NUDT6: variants seen among roughly 807,000 people sequenced by gnomAD.
NUDT6 encodes the protein nudix hydrolase 6.
Under a neutral mutation model 36.8 loss-of-function variants are expected in NUDT6, and 24 were observed. The ratio of observed to expected loss-of-function variants is 0.65; its 90% CI spans 0.47 to 0.92. The LOEUF (loss-of-function observed/expected upper bound fraction) is 0.92, where lower values mean the gene tolerates loss of function less well. Ranked by LOEUF, NUDT6 falls within the 40% of genes least tolerant of loss-of-function variation. NUDT6 has a pLI of 0.00. For synonymous variants in NUDT6, 163 were observed against 157.0 expected (o/e 1.04, Z -0.29); for missense variants, 388 against 392.8 (o/e 0.99, Z 0.10).
At position 122,892,952 on chromosome 4, in the gene NUDT6, C is replaced by G. The variant is rs1442066035; in HGVS notation, c.827G>C (p.Arg276Thr). The change falls in exon 5 of 5, where the codon AGA becomes ACA. Residue 276 changes from arginine (R) to threonine (T), a missense_variant. By Grantham distance (71) the Arg-to-Thr change is moderately conservative. Transcript: ENST00000304430. The stretch of plus-strand genomic sequence containing the variant: ...CAGGTCAATTTTGTCAAACCCTTCT[C>G]TGTACCCATACAGCAGCAGCCTAGC... The part of the protein sequence containing the change: ...RVARLLLYGY[R>T]EGFDKIDLTV... The G allele has an allele frequency of 6.2e-7, 1 of 1,614,202 alleles. No individual in the cohort carries two copies. Among genetic ancestry groups the G allele is most frequent in the Non-Finnish European group, 8.5e-7 (1 of 1,180,044 alleles).
At chr4:122,911,920 C>G (rs542454490) in intron 3 of NUDT6, among the ~76,000 whole-genome samples, 1 of 152,286 alleles carries the variant, frequency 6.6e-6, no homozygotes, top group Admixed American at 6.5e-5. Context: ...TTACCACTGT[C>G]CATATTCTGG....
chr4:122,892,958 C>T lies in NUDT6; in HGVS notation c.821G>A (p.Gly274Glu). 1.2e-6 allele frequency: 2 copies of T among 1,614,132 alleles called. No individual in the cohort carries two copies. Among genetic ancestry groups the T allele is most frequent in the Middle Eastern group, 1.6e-4 (1 of 6,062 alleles). ...AATTTTGTCAAACCCTTCTCTGTAC[C>T]CATACAGCAGCAGCCTAGCAACTCT... ...TSRVARLLLY[G>E]YREGFDKIDL... The change falls in exon 5 of 5, where the codon GGG becomes GAG. Residue 274 changes from glycine to glutamate, a missense_variant. Gly to Glu is a moderately conservative substitution (Grantham distance 98). Coordinates refer to ENST00000304430, the MANE Select transcript of NUDT6 (RefSeq NM_007083.5).
At chr4:122,897,555 A>AT in intron 4 of NUDT6, 69 bp downstream of exon 4, 1 of 1,131,152 alleles carries the variant, frequency 8.8e-7, no homozygotes, top group Non-Finnish European at 1.3e-6. Flanking sequence ...CTTAGCTATA[A>AT]AGCAAGAAAG....
intron 4 of NUDT6, chr4:122,896,299 C>A (rs749470526): frequency 2.0e-5 from 3 of 152,042 alleles, no homozygotes; most frequent in Non-Finnish European, 4.4e-5. Flanking sequence ...ATGTGTTTTT[C>A]TTCAATTACA....
chr4:122,902,765 G>A (rs1271295034), intron 3 of NUDT6, among the ~76,000 whole-genome samples: 3 of 152,138 alleles, frequency 2.0e-5, no homozygotes, highest in East Asian at 1.9e-4. Context: ...AAATATTGGG[G>A]TAGGGATGAA....
At chr4:122,921,595 C>CAAAAAAAAAAAAAAA (rs1307519948) in intron 1 of NUDT6, 1 of 35,114 alleles carries the variant, frequency 2.8e-5, no homozygotes, top group African/African-American at 1.1e-4. Flanking sequence ...TACCCTCTCT[C>CAAAAAAAAAAAAAAA]AAAAAAAAAA....
intron 3 of NUDT6, among the ~76,000 whole-genome samples, chr4:122,899,044 A>ATTTTGTTTTTTTTTTTTTTTTTT (rs1727451662): frequency 1.4e-5 from 1 of 69,428 alleles, no homozygotes; most frequent in Non-Finnish European, 3.0e-5. Flanking sequence ...ACCACACCTA[A>ATTTTGTTTTTTTTTTTTTTTTTT]TTTTTTTTTT....
In NUDT6 at chr4:122,893,271, A is replaced by T. The variant is rs1727246170; in HGVS notation, c.554-46T>A. 6 of 1,513,000 alleles carry T rather than the reference A, an allele frequency of 4.0e-6. 1 individual carries two copies. The Middle Eastern group carries it at 5.3e-4, about 134-fold the overall frequency. The allele number at this position is 1,513,000 out of a possible 1,614,324, so 93.7% of individuals were successfully genotyped here. A position where few individuals can be genotyped will look rare whatever the true frequency, so the allele number is the denominator to read the frequency against. ...ACAAATCAATAATAATTACACTTTT[A>T]GAAACTGTATCATCAAAGATTTTCA... On this transcript the variant is annotated intron_variant, in intron 4 of 4. Coordinates refer to ENST00000304430, the MANE Select transcript of NUDT6 (RefSeq NM_007083.5).
chr4:122,909,346 C>T (rs1727684570), intron 3 of NUDT6, among the ~76,000 whole-genome samples: 1 of 151,956 alleles, frequency 6.6e-6, no homozygotes, highest in Non-Finnish European at 1.5e-5. Flanking sequence ...AAATCTCAGT[C>T]CTAAAATAAT....
intron 1 of NUDT6, chr4:122,920,281 T>A (rs781591916): frequency 6.6e-6 from 1 of 152,170 alleles, no homozygotes; most frequent in Non-Finnish European, 1.5e-5. Flanking sequence ...AAGAAAGGTG[T>A]AGAGCCAGGG....
chr4:122,912,697 T>A, intron 2 of NUDT6, 74 bp from the exon 3 acceptor site: 1 of 927,496 alleles, frequency 1.1e-6, no homozygotes, highest in Non-Finnish European at 1.7e-6. Context: ...ACACTCTCTA[T>A]CTGTGGTGAT....
At chr4:122,896,236 A>G (rs1028050464) in intron 4 of NUDT6, 1 of 152,504 alleles carries the variant, frequency 6.6e-6, no homozygotes, top group Admixed American at 6.6e-5. Flanking sequence ...CTGGACTTTA[A>G]GAAGGATTCT....
chr4:122,918,206 T>TA (rs1236535046), intron 1 of NUDT6: 1 of 153,202 alleles, frequency 6.5e-6, no homozygotes, highest in South Asian at 2.0e-4. Context: ...ATTTTGAAAA[T>TA]AAAAAATATG....
At chr4:122,893,837 T>C (rs1363396392) in intron 4 of NUDT6, 2 of 152,226 alleles carry the variant, frequency 1.3e-5, no homozygotes, top group African/African-American at 4.8e-5. Context: ...TCTCTAATTT[T>C]GTGATGTTCT....
intron 3 of NUDT6, among the ~76,000 whole-genome samples, chr4:122,904,100 T>C (rs1038716599): frequency 1.8e-4 from 27 of 152,306 alleles, no homozygotes; most frequent in Admixed American, 3.3e-4. Flanking sequence ...CAAAGCTTTC[T>C]GAGAATGAAG....
intron 3 of NUDT6, among the ~76,000 whole-genome samples, chr4:122,899,139 A>G (rs1727457578): frequency 6.7e-6 from 1 of 148,624 alleles, no homozygotes; most frequent in Admixed American, 6.9e-5. Flanking sequence ...TGGGCTTCCC[A>G]AAGTGCTGGG....
chr4:122,912,942 G>T (rs1386274433), intron 2 of NUDT6, among the ~76,000 whole-genome samples: 1 of 152,176 alleles, frequency 6.6e-6, no homozygotes, highest in Non-Finnish European at 1.5e-5. Context: ...ATAATATTGT[G>T]CATGAAAACA....
At chr4:122,919,656 C>G (rs969359279) in intron 1 of NUDT6, 4 of 152,152 alleles carry the variant, frequency 2.6e-5, no homozygotes, top group African/African-American at 9.7e-5. Context: ...CCCTCACCTC[C>G]CATTCCCATT....
chr4:122,895,707 C>T (rs1322730393), intron 4 of NUDT6: 3 of 152,140 alleles, frequency 2.0e-5, no homozygotes, highest in Admixed American at 6.5e-5. Flanking sequence ...ATATGACCCT[C>T]TTGATATTTA....
Sources: allele counts gnomAD v4.1 joint callset (sites outside exome capture counted in the v4.1 genomes callset), GRCh38; gene constraint gnomAD v4.1.1; transcripts MANE v1.5; gene names NCBI Gene and HGNC (gene_info 2026-07-23, HGNC 2026-07-21).